Variants in ZNF292 observed in about 807,000 individuals in gnomAD.
The protein encoded by ZNF292 is zinc finger protein 292.
In ZNF292, 26 loss-of-function variants were observed where a neutral mutation model predicts 217.9. That is an observed-to-expected ratio of 0.12 (90% CI 0.09 to 0.17). The LOEUF is 0.17. Ranked by LOEUF, ZNF292 falls within the 10% of genes least tolerant of loss-of-function variation. ZNF292 has a pLI of 1.00. For synonymous variants in ZNF292, 1,257 were observed against 1,124.1 expected, an observed-to-expected ratio of 1.12 and a Z score of -2.37; for missense variants, 2,904 against 3,175.2, an observed-to-expected ratio of 0.91 and a Z score of 2.05.
At position 87,257,482 on chromosome 6, in the gene ZNF292, T is replaced by C; in HGVS notation, c.3853T>C (p.Ser1285Pro). The C allele has an allele frequency of 6.2e-7, 1 of 1,612,654 alleles. No homozygotes were observed. The highest frequency in any genetic ancestry group is 1.1e-5 in the South Asian group (1 of 90,826). The change falls in exon 8 of 8, where the codon TCT becomes CCT. Residue 1285 changes from serine to proline, a missense_variant. Transcript: ENST00000369577. ...FPSPADSGTNSVFSQLENNTN... is the reference protein window; with the variant it reads ...FPSPADSGTNPVFSQLENNTN... ...TTCACCAGCAGATAGTGGGACTAATTCTGTTTTTTCCCAACTGGAAAATAA... is the reference window on the plus strand; with the variant it reads ...TTCACCAGCAGATAGTGGGACTAATCCTGTTTTTTCCCAACTGGAAAATAA...
At chr6:87,187,081 CACTT>C (rs1448523092) in intron 1 of ZNF292, among the ~76,000 whole-genome samples, 1 of 152,134 alleles carries the variant, frequency 6.6e-6, no homozygotes, top group Admixed American at 6.5e-5. Flanking sequence ...ATTTTTTCCT[CACTT>C]CAGTGACATT....
At chr6:87,188,208 C>T (rs1771720946) in intron 1 of ZNF292, among the ~76,000 whole-genome samples, 1 of 152,146 alleles carries the variant, frequency 6.6e-6, no homozygotes, top group Non-Finnish European at 1.5e-5. Context: ...TTTAATTCTA[C>T]CGTGGTCTCT....
intron 1 of ZNF292, among the ~76,000 whole-genome samples, chr6:87,159,239 C>T (rs1031808433): frequency 3.9e-5 from 6 of 151,910 alleles, no homozygotes; most frequent in South Asian, 2.1e-4. Context: ...TTGTTTTGCT[C>T]ATTCTGGAAA....
chr6:87,249,427 CT>C, intron 7 of ZNF292: 1 of 305,344 alleles, frequency 3.3e-6, no homozygotes. Context: ...CACACATGAC[CT>C]TCGCAGCAGC....
chr6:87,157,364 C>T (rs1222765590), intron 1 of ZNF292, among the ~76,000 whole-genome samples: 1 of 152,112 alleles, frequency 6.6e-6, no homozygotes, highest in Admixed American at 6.5e-5. Context: ...CCCACTCATT[C>T]TTAATTGGTC....
intron 1 of ZNF292, among the ~76,000 whole-genome samples, chr6:87,211,516 C>G (rs1461602896): frequency 6.6e-6 from 1 of 152,094 alleles, no homozygotes; most frequent in East Asian, 1.9e-4. Context: ...TCTGCCTTTC[C>G]TAGCTCTGTG....
chr6:87,225,439 G>A (rs752035121), intron 4 of ZNF292, among the ~76,000 whole-genome samples: 13 of 151,880 alleles, frequency 8.6e-5, no homozygotes, highest in East Asian at 1.9e-4. Flanking sequence ...AAATCTCATC[G>A]TGAAATCCAA....
chr6:87,228,992 A>G (rs547375802), intron 4 of ZNF292, among the ~76,000 whole-genome samples: 1 of 152,326 alleles, frequency 6.6e-6, no homozygotes, highest in Non-Finnish European at 1.5e-5. Context: ...TTAAGTCTAT[A>G]GATTGCTTTG....
intron 1 of ZNF292, among the ~76,000 whole-genome samples, chr6:87,172,688 T>C (rs1771140444): frequency 6.6e-6 from 1 of 152,098 alleles, no homozygotes; most frequent in Non-Finnish European, 1.5e-5. Flanking sequence ...GGTGGCTTAC[T>C]TGAGCCCAGG....
intron 1 of ZNF292, among the ~76,000 whole-genome samples, chr6:87,210,522 C>T (rs1291880139): frequency 1.3e-5 from 2 of 151,784 alleles, no homozygotes; most frequent in African/African-American, 2.4e-5. Context: ...CTAGTAGCTC[C>T]CTTAAAGAAT....
intron 5 of ZNF292, among the ~76,000 whole-genome samples, chr6:87,235,066 ACTAGT>A (rs1364093942): frequency 6.6e-6 from 1 of 152,096 alleles, no homozygotes; most frequent in African/African-American, 2.4e-5. Context: ...TTGGACTTCA[ACTAGT>A]CTATAGATTT....
intron 7 of ZNF292, among the ~76,000 whole-genome samples, chr6:87,246,510 T>C (rs918029528): frequency 1.3e-5 from 2 of 152,146 alleles, no homozygotes; most frequent in Non-Finnish European, 2.9e-5. Context: ...TGTTGCTTCT[T>C]GCAGTGACTA....
rs75899235 is a variant in ZNF292 at position 87,192,046 on chromosome 6, T to C, written c.169-23857T>C. On this transcript the variant is annotated intron_variant, in intron 1 of 7. Transcript: ENST00000369577. ...TTGCTTTGTGATGGGGAAGCCTTTCTAAGGGTAACACAAACTTAGAAATGA... is the reference window on the plus strand; with the variant it reads ...TTGCTTTGTGATGGGGAAGCCTTTCCAAGGGTAACACAAACTTAGAAATGA... Among the ~76,000 whole-genome samples the C allele has an allele frequency of 1.8e-4, 28 of 152,334 alleles. No homozygotes were observed. The East Asian group carries it at 5.4e-3, about 29-fold the overall frequency.
intron 1 of ZNF292, among the ~76,000 whole-genome samples, chr6:87,170,866 T>C (rs1323746852): frequency 6.6e-6 from 1 of 152,208 alleles, no homozygotes; most frequent in Non-Finnish European, 1.5e-5. Flanking sequence ...ATCCTTCAAA[T>C]GGGGACCTTT....
intron 1 of ZNF292, among the ~76,000 whole-genome samples, chr6:87,170,644 G>A (rs577161218): frequency 6.6e-6 from 1 of 152,216 alleles, no homozygotes; most frequent in South Asian, 2.1e-4. Context: ...TTTGTGGTGT[G>A]GGTTTTTTAA....
intron 5 of ZNF292, among the ~76,000 whole-genome samples, chr6:87,239,797 A>G (rs9450641): frequency 0.59 from 62,680 of 105,858 alleles, 21,386 homozygotes; most frequent in African/African-American, 0.84. Flanking sequence ...GACAATGGGC[A>G]GCCGAGCAGA....
rs188100303 is a variant in ZNF292, at chr6:87,157,751, C to T, written c.168+1992C>T. On this transcript the variant is annotated intron_variant, in intron 1 of 7. Coordinates refer to ENST00000369577, the MANE Select transcript of ZNF292 (RefSeq NM_015021.3). ...TCACCCGGGCTGGAGTGCAGTGGTG[C>T]GATCTCAGCTCACTGCAGCCTCCAT... 2.6e-3 allele frequency among the ~76,000 whole-genome samples: 401 copies of T among 152,212 alleles called. 10 individuals carry two copies. Among genetic ancestry groups the T allele is most frequent in the Non-Finnish European group, 7.9e-4 (54 of 68,028 alleles).
At chr6:87,155,804 G>C in intron 1 of ZNF292, 45 bp downstream of exon 1, 1 of 1,520,476 alleles carries the variant, frequency 6.6e-7, no homozygotes, top group Non-Finnish European at 8.8e-7. Context: ...CAGCTAGAGG[G>C]GGAAGAGGGC....
chr6:87,255,330 A>G lies in ZNF292; in HGVS notation c.1701A>G (p.Gly567=). 1.2e-6 allele frequency: 2 copies of G among 1,613,826 alleles called. No individual in the cohort carries two copies. Among genetic ancestry groups the G allele is most frequent in the Non-Finnish European group, 1.7e-6 (2 of 1,179,832 alleles). ...VRHAQKHYKD[G]IYSCPICAKN... Reference sequence around the variant, plus strand: ...ATGCTCAGAAACATTACAAAGATGGAATTTATAGTTGCCCCATATGTGCAA... The same window carrying G: ...ATGCTCAGAAACATTACAAAGATGGGATTTATAGTTGCCCCATATGTGCAA... The change falls in exon 8 of 8, where the codon GGA becomes GGG. Residue 567 remains glycine (G), a synonymous_variant. Coordinates refer to ENST00000369577, the MANE Select transcript of ZNF292 (RefSeq NM_015021.3).
Sources: gnomAD v4.1 joint callset for allele counts (sites outside exome capture counted in the v4.1 genomes callset) on GRCh38, gnomAD v4.1.1 for gene constraint, MANE v1.5 for transcripts, NCBI Gene and HGNC (gene_info 2026-07-23, HGNC 2026-07-21) for gene names.